The following PVR variants were observed in gnomAD, a reference collection of about 807,000 sequenced individuals.
The protein encoded by PVR is poliovirus receptor.
In PVR, 39 loss-of-function variants were observed where a neutral mutation model predicts 43.3. The ratio of observed to expected loss-of-function variants is 0.90; its 90% CI spans 0.70 to 1.18. The LOEUF (loss-of-function observed/expected upper bound fraction) is 1.18, where lower values mean the gene tolerates loss of function less well. Among genes scored for constraint, PVR ranks in the 50% most tolerant of loss-of-function variants. The pLI is 0.00. For missense variants in PVR, 480 were observed against 549.7 expected (o/e 0.87, Z 1.27); for synonymous variants, 224 against 233.2 (o/e 0.96, Z 0.36).
rs1973584651 is a variant in PVR, at chr19:44,661,326, A to G, written c.1182+3A>G. 6.2e-7 allele frequency: 1 copy of G among 1,613,740 alleles called. No individual in the cohort carries two copies. Among genetic ancestry groups the G allele is most frequent in the African/African-American group, 1.3e-5 (1 of 74,910 alleles). ...ATGCCAGCGCCTCAGCTAATGGGGT[A>G]AGTGCAGTGTTGGAGCTAAGGAGGG... On this transcript the variant is annotated splice_donor_region_variant and intron_variant, in intron 7 of 7. Coordinates refer to ENST00000425690, the MANE Select transcript of PVR (RefSeq NM_006505.5).
At chr19:44,656,636 G>A (rs1018204831) in intron 4 of PVR, among the ~76,000 whole-genome samples, 2 of 152,216 alleles carry the variant, frequency 1.3e-5, no homozygotes, top group African/African-American at 2.4e-5. Context: ...TGTGTAGTGT[G>A]TGTGCAATGG....
chr19:44,646,566 A>G (rs890153814), intron 1 of PVR, among the ~76,000 whole-genome samples: 39 of 152,222 alleles, frequency 2.6e-4, no homozygotes, highest in African/African-American at 8.9e-4. Context: ...GGAGTTCAAG[A>G]CCAGCCTGGC....
rs1973225858 is a variant in PVR at position 44,649,754 on chromosome 19, C to T, written c.428-55C>T. ...ATCCTGTACCCTTAATGAATGCCCC[C>T]TTCTGCCACGGAGGGGTTCATTGAA... On this transcript the variant is annotated intron_variant, in intron 2 of 7. Coordinates refer to ENST00000425690, the MANE Select transcript of PVR (RefSeq NM_006505.5). 6.3e-6 allele frequency: 10 copies of T among 1,577,422 alleles called. No individual in the cohort carries two copies. In the South Asian group the frequency reaches 1.0e-4, roughly 16 times the overall value.
At chr19:44,658,646 T>C (rs930639248) in intron 5 of PVR, 96 bp from the exon 6 acceptor site, 171 of 1,089,480 alleles carry the variant, frequency 1.6e-4, no homozygotes, top group Non-Finnish European at 2.0e-4. Context: ...GGCAGTGGAG[T>C]GGTGGCTCCC....
chr19:44,650,946 T>C (rs1026879752), intron 3 of PVR, among the ~76,000 whole-genome samples: 1 of 152,146 alleles, frequency 6.6e-6, no homozygotes, highest in African/African-American at 2.4e-5. Flanking sequence ...TCATGGTTCC[T>C]ACAGCCTCAC....
intron 1 of PVR, among the ~76,000 whole-genome samples, chr19:44,645,124 T>TATAA (rs368011348): frequency 1.7e-5 from 1 of 59,764 alleles, no homozygotes; most frequent in Non-Finnish European, 2.6e-5. Flanking sequence ...ATATAATATA[T>TATAA]TATAATATAT....
chr19:44,645,352 A>T (rs1257750043), intron 1 of PVR, among the ~76,000 whole-genome samples: 3 of 123,262 alleles, frequency 2.4e-5, no homozygotes, highest in African/African-American at 9.7e-5. Context: ...AATAATATAT[A>T]TTTTATTATA....
intron 4 of PVR, among the ~76,000 whole-genome samples, chr19:44,657,318 C>T (rs568040954): frequency 6.6e-6 from 1 of 152,242 alleles, no homozygotes; most frequent in African/African-American, 2.4e-5. Flanking sequence ...TCACGTGGGG[C>T]CTGTGACACC....
intron 4 of PVR, among the ~76,000 whole-genome samples, chr19:44,654,727 TA>T (rs1185086149): frequency 6.6e-6 from 1 of 152,240 alleles, no homozygotes; most frequent in African/African-American, 2.4e-5. Flanking sequence ...CTTAAAACAT[TA>T]TGAGACTTTT....
At position 44,644,140 on chromosome 19, in the gene PVR, C is replaced by T; in HGVS notation, c.44C>T (p.Ala15Val). ...MAAAWPLLLV[A>V]LLVLSWPPPG... ...GCCGCGTGGCCGCTGCTGCTGGTGGCGCTACTGGTGCTGTCCTGGCCACCC... is the reference window on the plus strand; with the variant it reads ...GCCGCGTGGCCGCTGCTGCTGGTGGTGCTACTGGTGCTGTCCTGGCCACCC... The change falls in exon 1 of 8, where the codon GCG (alanine) becomes GTG (valine). Residue 15 changes from alanine to valine, a missense_variant. Transcript: ENST00000425690. 1.3e-6 allele frequency: 2 copies of T among 1,519,802 alleles called. No homozygotes were observed. The highest frequency in any genetic ancestry group is 1.4e-5 in the African/African-American group (1 of 70,100). 94.1% of individuals were successfully genotyped at this position (1,519,802 alleles called of 1,614,324 possible). A position where few individuals can be genotyped will look rare whatever the true frequency, so the allele number is the denominator to read the frequency against.
chr19:44,644,202 GC>G, intron 1 of PVR, 27 bp downstream of exon 1: 2 of 1,460,104 alleles, frequency 1.4e-6, no homozygotes, highest in Non-Finnish European at 9.0e-7. Context: ...CAGTCCGGTG[GC>G]CCCTGTCTGG....
Position 44,661,917 on chromosome 19 carries a change from C to T in PVR, c.*106C>T. 2.8e-6 allele frequency: 3 copies of T among 1,088,146 alleles called. No individual in the cohort carries two copies. The highest frequency in any genetic ancestry group is 2.7e-4 in the Middle Eastern group (1 of 3,754). 67.4% of individuals were successfully genotyped at this position (1,088,146 alleles called of 1,614,324 possible). On this transcript the variant is annotated 3_prime_UTR_variant, in exon 8 of 8. Transcript: ENST00000425690. ...GAAGACCCCCTCCAAAGAGACCAGC[C>T]TCCCTCCCTGTGCCAGACCTCAAAA...
chr19:44,655,943 C>T (rs922365162), intron 4 of PVR, among the ~76,000 whole-genome samples: 52 of 147,088 alleles, frequency 3.5e-4, no homozygotes, highest in African/African-American at 1.2e-3. Context: ...AATCACAGCT[C>T]ACTGCAGCCT....
At chr19:44,660,468 CTAT>C (rs948202972) in intron 6 of PVR, among the ~76,000 whole-genome samples, 138 of 152,232 alleles carry the variant, frequency 9.1e-4, no homozygotes, top group African/African-American at 3.3e-3. Flanking sequence ...GCTATTATTA[CTAT>C]TATTGTTATT....
intron 3 of PVR, among the ~76,000 whole-genome samples, chr19:44,651,258 T>C (rs1052094503): frequency 1.3e-5 from 2 of 152,104 alleles, no homozygotes; most frequent in African/African-American, 4.8e-5. Context: ...CACCACCTAT[T>C]TTGGCCACCA....
chr19:44,655,422 T>G (rs1053361309), intron 4 of PVR, among the ~76,000 whole-genome samples: 2 of 152,180 alleles, frequency 1.3e-5, no homozygotes, highest in Non-Finnish European at 2.9e-5. Context: ...AAATAACTTG[T>G]GTCCACTGTA....
chr19:44,651,503 T>G (rs1568501296), intron 3 of PVR, among the ~76,000 whole-genome samples: 1 of 152,196 alleles, frequency 6.6e-6, no homozygotes, highest in Non-Finnish European at 1.5e-5. Context: ...TGCATTGATC[T>G]TCTCACATTG....
At chr19:44,658,720 T>TA (rs1171805935) in intron 5 of PVR, 22 bp from the exon 6 acceptor site, 4 of 1,577,972 alleles carry the variant, frequency 2.5e-6, no homozygotes, top group Non-Finnish European at 3.5e-6. Flanking sequence ...CTTACCTAAA[T>TA]ACCTGTTTCC....
intron 4 of PVR, among the ~76,000 whole-genome samples, chr19:44,655,194 C>T (rs1973408243): frequency 6.6e-6 from 1 of 152,148 alleles, no homozygotes; most frequent in Admixed American, 6.5e-5. Flanking sequence ...AGGTGATCCT[C>T]CCACCTCAGC....
Sources: allele counts gnomAD v4.1 joint callset (sites outside exome capture counted in the v4.1 genomes callset), GRCh38; gene constraint gnomAD v4.1.1; transcripts MANE v1.5; gene names NCBI Gene and HGNC (gene_info 2026-07-23, HGNC 2026-07-21).